MCCC1: variants seen among roughly 807,000 people sequenced by gnomAD.
MCCC1 encodes methylcrotonyl-CoA carboxylase subunit 1.
In MCCC1, 64 loss-of-function variants were observed where a neutral mutation model predicts 83.8. The ratio of observed to expected loss-of-function variants is 0.76; its 90% CI spans 0.62 to 0.94. The LOEUF is 0.94. MCCC1 is among the 40% of genes least tolerant of loss of function. The pLI is 0.00. For missense variants in MCCC1, 807 were observed against 904.7 expected, an observed-to-expected ratio of 0.89 and a Z score of 1.39; for synonymous variants, 322 against 315.4, an observed-to-expected ratio of 1.02 and a Z score of -0.22.
intron 4 of MCCC1, among the ~76,000 whole-genome samples, chr3:183,083,888 G>A (rs1008752962): frequency 6.6e-6 from 1 of 152,200 alleles, no homozygotes; most frequent in Admixed American, 6.5e-5. Context: ...GGGCAAGAAA[G>A]TTCTACTGCT....
intron 9 of MCCC1, among the ~76,000 whole-genome samples, chr3:183,050,017 G>C (rs1346370332): frequency 5.3e-5 from 8 of 152,100 alleles, no homozygotes; most frequent in Non-Finnish European, 1.2e-4. Flanking sequence ...CTACTTGGGA[G>C]GCTGAGGTGG....
intron 2 of MCCC1, 105 bp downstream of exon 2, chr3:183,094,454 G>A: frequency 9.0e-7 from 1 of 1,111,514 alleles, no homozygotes; most frequent in Non-Finnish European, 1.3e-6. Context: ...CAAAATTTAT[G>A]ATAACTAATT....
rs1421183950 is a variant in MCCC1 at position 183,064,765 on chromosome 3, G to C, written c.761+6234C>G. ...ACAGCAGGGCGAAGCGGGTAATGTA[G>C]GGGTGCAGCACCGGCAGGAGGCGCC... On this transcript the variant is annotated intron_variant, in intron 7 of 18. Coordinates refer to ENST00000265594, the MANE Select transcript of MCCC1 (RefSeq NM_020166.5). The surrounding 1 kb of genome is among the most constrained non-coding windows in gnomAD (Gnocchi z 4.5). Among the ~76,000 whole-genome samples, 1 of 152,256 alleles carries C rather than the reference G, an allele frequency of 6.6e-6. No homozygotes were observed. The highest frequency in any genetic ancestry group is 1.5e-5 in the Non-Finnish European group (1 of 68,042).
intron 4 of MCCC1, among the ~76,000 whole-genome samples, chr3:183,084,240 G>C (rs1451087918): frequency 6.6e-6 from 1 of 152,184 alleles, no homozygotes; most frequent in Non-Finnish European, 1.5e-5. Context: ...CAAACCTGCT[G>C]TCCATGGACC....
intron 10 of MCCC1, among the ~76,000 whole-genome samples, chr3:183,043,707 A>C (rs1009045152): frequency 1.3e-5 from 2 of 152,202 alleles, no homozygotes; most frequent in Admixed American, 6.5e-5. Context: ...CCCTCCCCAG[A>C]TGATAAAAGC....
At chr3:183,084,713 G>C (rs1717764785) in intron 4 of MCCC1, among the ~76,000 whole-genome samples, 1 of 152,014 alleles carries the variant, frequency 6.6e-6, no homozygotes, top group African/African-American at 2.4e-5. Context: ...CTTGAGGCCA[G>C]GAGTTTGAGA....
At chr3:183,058,088 GAA>G (rs572309555) in intron 7 of MCCC1, among the ~76,000 whole-genome samples, 1 of 152,184 alleles carries the variant, frequency 6.6e-6, no homozygotes, top group South Asian at 2.1e-4. Flanking sequence ...AACTGTCAAA[GAA>G]AAGACTGACA....
chr3:183,071,119 C>T lies in MCCC1; in HGVS notation c.641G>A (p.Gly214Glu), dbSNP rs1248070890. 5 of 1,614,014 alleles carry T rather than the reference C, an allele frequency of 3.1e-6. No individual in the cohort carries two copies. Among genetic ancestry groups the T allele is most frequent in the South Asian group, 1.1e-5 (1 of 91,090 alleles). ...IKAVRGGGGK[G>E]MRIVRSEQEF... ...TTGTTCTGATCTAACAATCCTCATT[C>T]CCTAAGAGAGAAAAGATGATTATGA... is the stretch of plus-strand genomic sequence containing the variant. Residue 214 changes from glycine to glutamate, a missense_variant and splice_region_variant, in exon 7 of 19, where the codon GGA becomes GAA. Coordinates refer to ENST00000265594, the MANE Select transcript of MCCC1 (RefSeq NM_020166.5).
At chr3:183,022,682 TA>T in intron 15 of MCCC1, 128 bp from the exon 16 acceptor site, 1 of 833,762 alleles carries the variant, frequency 1.2e-6, no homozygotes, top group Non-Finnish European at 1.8e-6. Context: ...ATATAACATA[TA>T]TTTTTTAAAA....
intron 1 of MCCC1, among the ~76,000 whole-genome samples, chr3:183,107,538 TTG>T (rs1491169284): frequency 7.7e-5 from 11 of 143,712 alleles, no homozygotes; most frequent in African/African-American, 2.6e-4. Context: ...TTATTATTTG[TTG>T]TTGTTGTTGT....
At chr3:183,021,822 A>G (rs1463572162) in intron 16 of MCCC1, among the ~76,000 whole-genome samples, 1 of 152,244 alleles carries the variant, frequency 6.6e-6, no homozygotes, top group Non-Finnish European at 1.5e-5. Flanking sequence ...CTGTGAGGCC[A>G]CAGCATATAT....
chr3:183,078,053 A>T (rs1328863935), intron 4 of MCCC1, among the ~76,000 whole-genome samples: 1 of 152,102 alleles, frequency 6.6e-6, no homozygotes, highest in Non-Finnish European at 1.5e-5. Flanking sequence ...AGAGCCTCGC[A>T]GTGTCTCCCA....
intron 1 of MCCC1, chr3:183,098,640 C>T (rs1393879967): frequency 6.6e-6 from 1 of 152,350 alleles, no homozygotes; most frequent in Non-Finnish European, 1.5e-5. Flanking sequence ...TATCTACAAG[C>T]CTGAGGGTTT....
chr3:183,035,081 T>TTA (rs1467521211), intron 13 of MCCC1, among the ~76,000 whole-genome samples: 1 of 152,180 alleles, frequency 6.6e-6, no homozygotes, highest in Non-Finnish European at 1.5e-5. Context: ...GCCTGGCCCC[T>TTA]TATAGGCATT....
intron 1 of MCCC1, among the ~76,000 whole-genome samples, chr3:183,096,944 A>C (rs1718779727): frequency 6.6e-6 from 1 of 152,210 alleles, no homozygotes; most frequent in African/African-American, 2.4e-5. Flanking sequence ...AGCTAGCTTA[A>C]GACTGATTCG....
intron 3 of MCCC1, among the ~76,000 whole-genome samples, chr3:183,087,068 C>T (rs1422375765): frequency 6.6e-6 from 1 of 152,094 alleles, no homozygotes; most frequent in African/African-American, 2.4e-5. Context: ...AAGCAACAGA[C>T]ATTAGTCATG....
At chr3:183,023,342 C>T (rs1053440364) in intron 15 of MCCC1, among the ~76,000 whole-genome samples, 8 of 152,178 alleles carry the variant, frequency 5.3e-5, no homozygotes, top group African/African-American at 1.9e-4. Context: ...CACATTGGTT[C>T]TCATCTATCC....
At position 183,042,318 on chromosome 3, in the gene MCCC1, A is replaced by G. The variant is rs543000082; in HGVS notation, c.1084-568T>C. The stretch of plus-strand genomic sequence containing the variant: ...ATGATACCAGATTACAAACAGGGTG[A>G]TCACTATTGTTTGTTGTTACTATAA... On this transcript the variant is annotated intron_variant, in intron 10 of 18. Coordinates refer to ENST00000265594, the MANE Select transcript of MCCC1 (RefSeq NM_020166.5). Among the ~76,000 whole-genome samples, 5 of 152,336 alleles carry G rather than the reference A, an allele frequency of 3.3e-5. No individual in the cohort carries two copies. In the East Asian group the frequency reaches 9.6e-4, roughly 29 times the overall value.
At chr3:183,056,977 G>T (rs560457862) in intron 8 of MCCC1, among the ~76,000 whole-genome samples, 1 of 152,198 alleles carries the variant, frequency 6.6e-6, no homozygotes, top group East Asian at 1.9e-4. Flanking sequence ...CTACAGGCGT[G>T]AGCCACCGCG....
Sources: gnomAD v4.1 joint callset for allele counts (sites outside exome capture counted in the v4.1 genomes callset) on GRCh38, gnomAD v4.1.1 for gene constraint, Gnocchi (gnomAD v3.1) non-coding constraint, MANE v1.5 for transcripts, NCBI Gene and HGNC (gene_info 2026-07-23, HGNC 2026-07-21) for gene names.